The following AGBL1 variants were observed in gnomAD, a reference collection of about 807,000 sequenced individuals.
AGBL1 encodes cytosolic carboxypeptidase 4.
A neutral mutation model predicts 118.9 loss-of-function variants in AGBL1; 130 were observed. That is an observed-to-expected ratio of 1.09 (90% CI 0.95 to 1.26). AGBL1 has a LOEUF of 1.26. AGBL1 is among the 50% of genes most tolerant of loss of function. The pLI, the probability that AGBL1 is intolerant of heterozygous loss-of-function variation, is 0.00. For synonymous variants in AGBL1, 555 were observed against 478.9 expected (o/e 1.16, Z -2.08); for missense variants, 1,584 against 1,298.1 (o/e 1.22, Z -3.38).
Position 86,100,467 on chromosome 15 carries a change from G to C in AGBL1, c.51+20444G>C, listed in dbSNP as rs541307758. ...AGTCCTGGGTTTTTCTTTGATGGGAGAAAGAAAAACCCAGTCTCCCGTCTT... is the reference window on the plus strand; with the variant it reads ...AGTCCTGGGTTTTTCTTTGATGGGACAAAGAAAAACCCAGTCTCCCGTCTT... On this transcript the variant is annotated intron_variant, in intron 1 of 22. Transcript: ENST00000614907. Among the ~76,000 whole-genome samples the C allele has an allele frequency of 1.4e-3, 207 of 152,050 alleles. 1 individual carries two copies. The highest frequency in any genetic ancestry group is 4.9e-3 in the African/African-American group (202 of 41,502).
intron 21 of AGBL1, among the ~76,000 whole-genome samples, chr15:86,605,337 TTTAAG>T (rs1320282284): frequency 2.0e-5 from 3 of 152,202 alleles, no homozygotes; most frequent in Non-Finnish European, 2.9e-5. Flanking sequence ...ATCTTACATC[TTTAAG>T]TTTTCTGTGA....
chr15:86,832,837 A>C lies in AGBL1; in HGVS notation c.3159-74250A>C, dbSNP rs1317598695. 2.0e-5 allele frequency among the ~76,000 whole-genome samples: 3 copies of C among 152,064 alleles called. No homozygotes were observed. In the East Asian group the frequency reaches 5.8e-4, roughly 29 times the overall value. ...TTAGGTATCTTTATAGCAGCACCTC[A>C]CTCTACTGGTACCAATTTACTGTAT... is the stretch of plus-strand genomic sequence containing the variant. On this transcript the variant is annotated intron_variant, in intron 22 of 22. Transcript: ENST00000614907.
chr15:86,943,350 G>GA (rs891233405), intron 23 of AGBL1, among the ~76,000 whole-genome samples: 3 of 152,074 alleles, frequency 2.0e-5, no homozygotes, highest in African/African-American at 2.4e-5. Flanking sequence ...TCCAGATGTG[G>GA]AAAAAAATAA....
intron 21 of AGBL1, among the ~76,000 whole-genome samples, chr15:86,628,174 A>G (rs923958721): frequency 2.0e-5 from 3 of 152,050 alleles, no homozygotes; most frequent in Admixed American, 6.5e-5. Context: ...GCTGGGCCCC[A>G]CCCCTAGAGT....
intron 24 of AGBL1, among the ~76,000 whole-genome samples, chr15:87,007,073 A>G (rs904185103): frequency 7.2e-5 from 11 of 152,236 alleles, no homozygotes; most frequent in African/African-American, 2.4e-4. Context: ...TGTATTGGGT[A>G]AAAATCAAGT....
At chr15:86,538,822 G>A (rs1024600510) in intron 19 of AGBL1, among the ~76,000 whole-genome samples, 13 of 152,220 alleles carry the variant, frequency 8.5e-5, no homozygotes, top group Admixed American at 4.6e-4. Context: ...CTGGGGAAAA[G>A]GGGAACGGCT....
At chr15:86,945,758 G>A (rs1339407556) in intron 23 of AGBL1, among the ~76,000 whole-genome samples, 1 of 152,208 alleles carries the variant, frequency 6.6e-6, no homozygotes, top group Non-Finnish European at 1.5e-5. Context: ...GCATATGTGT[G>A]TGCGTGTATG....
Position 86,922,966 on chromosome 15 carries a change from T to A in AGBL1, c.3222-65021T>A, listed in dbSNP as rs1596638182. 2.0e-5 allele frequency among the ~76,000 whole-genome samples: 3 copies of A among 152,300 alleles called. No individual in the cohort carries two copies. The East Asian group carries it at 5.8e-4, about 29-fold the overall frequency. On this transcript the variant is annotated intron_variant, in intron 23 of 24. Coordinates refer to the AGBL1 transcript ENST00000441037. ...ATGATGACCAGGAGGAGATGTTCAA[T>A]CTGACTGTGAGAGCATGTGAAAAAT...
chr15:86,951,837 G>GT (rs1168544346), intron 23 of AGBL1, among the ~76,000 whole-genome samples: 1 of 152,160 alleles, frequency 6.6e-6, no homozygotes, highest in Non-Finnish European at 1.5e-5. Context: ...GTGTACACAT[G>GT]TTTAGGCCTG....
At chr15:86,225,697 C>G (rs2078350763) in intron 6 of AGBL1, among the ~76,000 whole-genome samples, 1 of 152,088 alleles carries the variant, frequency 6.6e-6, no homozygotes, top group Non-Finnish European at 1.5e-5. Flanking sequence ...CTCCTTACCT[C>G]TTCATCTATT....
chr15:86,773,200 G>A (rs1480430326), intron 22 of AGBL1, among the ~76,000 whole-genome samples: 1 of 152,032 alleles, frequency 6.6e-6, no homozygotes, highest in Non-Finnish European at 1.5e-5. Context: ...TTGGCTTTGA[G>A]AAACGAACTA....
intron 4 of AGBL1, among the ~76,000 whole-genome samples, chr15:86,157,780 T>C (rs1438616358): frequency 6.6e-6 from 1 of 152,190 alleles, no homozygotes; most frequent in Non-Finnish European, 1.5e-5. Context: ...CTAATGGGTC[T>C]GTGAGAGCCA....
At chr15:86,906,817 C>T (rs2080286946) in intron 22 of AGBL1, among the ~76,000 whole-genome samples, 1 of 152,082 alleles carries the variant, frequency 6.6e-6, no homozygotes, top group Non-Finnish European at 1.5e-5. Context: ...ACAACTTTCC[C>T]CCCCAAGCCT....
At chr15:86,745,527 A>T (rs1022239442) in intron 22 of AGBL1, among the ~76,000 whole-genome samples, 2 of 152,002 alleles carry the variant, frequency 1.3e-5, no homozygotes, top group African/African-American at 4.8e-5. Context: ...TCTGGACCTT[A>T]TGTAGGAACC....
intron 1 of AGBL1, among the ~76,000 whole-genome samples, chr15:86,114,707 T>C (rs1362354690): frequency 1.3e-5 from 2 of 152,170 alleles, no homozygotes; most frequent in Non-Finnish European, 2.9e-5. Context: ...CATAGCAGAA[T>C]GTGGCCGATA....
At chr15:86,525,750 C>G (rs906749279) in intron 19 of AGBL1, among the ~76,000 whole-genome samples, 3 of 152,132 alleles carry the variant, frequency 2.0e-5, no homozygotes, top group Non-Finnish European at 4.4e-5. Flanking sequence ...AGATCTGAGT[C>G]TGTAAAAATT....
At chr15:86,367,942 G>C (rs1322645325) in intron 17 of AGBL1, among the ~76,000 whole-genome samples, 1 of 152,102 alleles carries the variant, frequency 6.6e-6, no homozygotes, top group Non-Finnish European at 1.5e-5. Context: ...TTACTCCTAG[G>C]CTATTTCTGC....
chr15:86,099,818 A>G (rs1896604795), intron 1 of AGBL1, among the ~76,000 whole-genome samples: 1 of 151,920 alleles, frequency 6.6e-6, no homozygotes. Flanking sequence ...TTCCAATTAG[A>G]TGCCTTTTAT....
At chr15:86,135,169 G>A (rs1474473567) in intron 1 of AGBL1, among the ~76,000 whole-genome samples, 2 of 152,096 alleles carry the variant, frequency 1.3e-5, no homozygotes, top group Non-Finnish European at 2.9e-5. Flanking sequence ...TGTTTCCCAC[G>A]TGAGCTTGTT....
Sources: allele counts gnomAD v4.1 joint callset (sites outside exome capture counted in the v4.1 genomes callset), GRCh38; gene constraint gnomAD v4.1.1; transcripts MANE v1.5; gene names NCBI Gene and HGNC (gene_info 2026-07-23, HGNC 2026-07-21).